VWDE: variants seen among roughly 807,000 people sequenced by gnomAD.
The protein encoded by VWDE is von Willebrand factor D and EGF domain-containing protein.
A neutral mutation model predicts 178.4 loss-of-function variants in VWDE; 207 were observed. The observed-to-expected ratio is 1.16, with a 90% CI of 1.04 to 1.30. The LOEUF is 1.30. Among genes scored for constraint, VWDE ranks in the 50% most tolerant of loss-of-function variants. The probability of loss-of-function intolerance (pLI) is 0.00; values close to 1 mark genes in which losing one functional copy is unlikely to be tolerated. For synonymous variants in VWDE, 738 were observed against 651.4 expected (o/e 1.13, Z -2.02); for missense variants, 2,287 against 1,901.3 (o/e 1.20, Z -3.77).
intron 1 of VWDE, among the ~76,000 whole-genome samples, chr7:12,399,281 A>T (rs1317260565): frequency 6.6e-6 from 1 of 152,256 alleles, no homozygotes; most frequent in East Asian, 1.9e-4. Context: ...GTGTGGCTGT[A>T]CTACTATCAA....
At chr7:12,343,058 C>G (rs1227320738) in intron 22 of VWDE, 25 bp downstream of exon 22, 1 of 1,516,930 alleles carries the variant, frequency 6.6e-7, no homozygotes. Flanking sequence ...TTCATTATAT[C>G]AGACATCAGG....
chr7:12,392,265 A>G (rs560364998), intron 2 of VWDE, among the ~76,000 whole-genome samples: 4 of 152,348 alleles, frequency 2.6e-5, no homozygotes, highest in African/African-American at 9.6e-5. Context: ...CCGCAAGTGC[A>G]GGGAATTTAT....
chr7:12,351,791 A>G lies in VWDE; in HGVS notation c.3746-78T>C, dbSNP rs1781961888. On this transcript the variant is annotated intron_variant, in intron 18 of 28. Coordinates refer to ENST00000275358, the MANE Select transcript of VWDE (RefSeq NM_001135924.3). ...AGCACCACAAATAAGAATATACAAT[A>G]CAAACGCCACTTGGATTAAACTCTG... 5 of 1,256,260 alleles carry G rather than the reference A, an allele frequency of 4.0e-6. No individual in the cohort carries two copies. The East Asian group carries it at 1.3e-4, about 33-fold the overall frequency. 77.8% of individuals were successfully genotyped at this position (1,256,260 alleles called of 1,614,324 possible). A position where few individuals can be genotyped will look rare whatever the true frequency, so the allele number is the denominator to read the frequency against.
chr7:12,393,859 A>G (rs973613423), intron 1 of VWDE, 81 bp from the exon 2 acceptor site: 1 of 1,249,020 alleles, frequency 8.0e-7, no homozygotes, highest in African/African-American at 1.5e-5. Flanking sequence ...ATTGATTCCC[A>G]AAACAAAAAA....
intron 6 of VWDE, among the ~76,000 whole-genome samples, chr7:12,378,313 T>C (rs1783650430): frequency 6.6e-6 from 1 of 152,234 alleles, no homozygotes; most frequent in African/African-American, 2.4e-5. Flanking sequence ...TAGGGATTAA[T>C]ACCACCATCT....
Position 12,333,450 on chromosome 7 carries a change from T to C in VWDE, c.4758+15A>G. 1 of 1,486,702 alleles carries C rather than the reference T, an allele frequency of 6.7e-7. No homozygotes were observed. The highest frequency in any genetic ancestry group is 9.1e-7 in the Non-Finnish European group (1 of 1,093,356). The allele number at this position is 1,486,702 out of a possible 1,614,324, so 92.1% of individuals were successfully genotyped here. ...CAATGTCTAATATTTATTTTCTCTT[T>C]AAACTCTGAAATACCTGTATTTTCT... On this transcript the variant is annotated intron_variant, in intron 28 of 28. Coordinates refer to ENST00000275358, the MANE Select transcript of VWDE (RefSeq NM_001135924.3).
chr7:12,369,427 G>T, intron 12 of VWDE, 118 bp downstream of exon 12: 3 of 1,277,088 alleles, frequency 2.3e-6, no homozygotes, highest in Non-Finnish European at 2.1e-6. Context: ...TGATTTGGAG[G>T]TTTTCTCTAT....
Position 12,331,179 on chromosome 7 carries a change from C to A in VWDE, c.*4G>T, listed in dbSNP as rs139175638. On this transcript the variant is annotated 3_prime_UTR_variant, in exon 29 of 29. Coordinates refer to ENST00000275358, the MANE Select transcript of VWDE (RefSeq NM_001135924.3). ...AGGCTTGTAATTCATATACTTGATG[C>A]TACTCAATGGCGTCTTATCTGTAGT... 1.3e-6 allele frequency: 2 copies of A among 1,541,324 alleles called. No homozygotes were observed. The highest frequency in any genetic ancestry group is 1.4e-5 in the African/African-American group (1 of 72,486).
At chr7:12,379,861 G>A (rs1583331938) in intron 5 of VWDE, among the ~76,000 whole-genome samples, 3 of 152,086 alleles carry the variant, frequency 2.0e-5, no homozygotes, top group Admixed American at 6.5e-5. Flanking sequence ...TTGGGAGGCC[G>A]AGGCGGGCGG....
chr7:12,358,845 C>G (rs974143040), intron 16 of VWDE, among the ~76,000 whole-genome samples: 1 of 152,200 alleles, frequency 6.6e-6, no homozygotes, highest in African/African-American at 2.4e-5. Flanking sequence ...CCATTGTCTT[C>G]CCACAGCATT....
At chr7:12,352,952 T>C (rs12669608) in intron 18 of VWDE, among the ~76,000 whole-genome samples, 134,524 of 152,118 alleles carry the variant, frequency 0.88, 59,568 homozygotes, top group Admixed American at 0.92. Flanking sequence ...CTGATTATTC[T>C]AAGATTTATA....
intron 4 of VWDE, among the ~76,000 whole-genome samples, chr7:12,381,363 T>C (rs6460942): frequency 0.11 from 17,010 of 152,162 alleles, 1,135 homozygotes; most frequent in Non-Finnish European, 0.14. Context: ...GTTTTCTGGA[T>C]AAGTTTTTTG....
chr7:12,378,698 C>T (rs1422612459), intron 6 of VWDE, among the ~76,000 whole-genome samples: 1 of 152,186 alleles, frequency 6.6e-6, no homozygotes, highest in African/African-American at 2.4e-5. Context: ...TCTGCTTCCC[C>T]TCACGCTGTA....
chr7:12,377,634 A>G (rs1583328109), intron 7 of VWDE, 142 bp downstream of exon 7: 2 of 444,684 alleles, frequency 4.5e-6, no homozygotes, highest in Non-Finnish European at 7.5e-6. Flanking sequence ...GCCGAGTATT[A>G]GTAATATGAT....
intron 27 of VWDE, among the ~76,000 whole-genome samples, chr7:12,335,315 A>C (rs1057349704): frequency 1.3e-5 from 2 of 152,150 alleles, no homozygotes; most frequent in Admixed American, 1.3e-4. Flanking sequence ...AATTGCATGA[A>C]ATTTGATCTT....
chr7:12,340,944 G>A (rs906983930), intron 23 of VWDE, among the ~76,000 whole-genome samples: 10 of 151,876 alleles, frequency 6.6e-5, no homozygotes, highest in African/African-American at 2.4e-4. Flanking sequence ...CTTTATTTTT[G>A]TTTTGCTTTG....
At chr7:12,349,230 CATA>C (rs2128549341) in intron 19 of VWDE, among the ~76,000 whole-genome samples, 1 of 74,932 alleles carries the variant, frequency 1.3e-5, no homozygotes, top group African/African-American at 8.0e-5. Context: ...GTATAATAAT[CATA>C]ATAATAAATA....
intron 28 of VWDE, among the ~76,000 whole-genome samples, chr7:12,333,128 A>G (rs957823829): frequency 6.6e-6 from 1 of 152,160 alleles, no homozygotes; most frequent in Non-Finnish European, 1.5e-5. Flanking sequence ...AGATCACAGA[A>G]ACTTTTTAAA....
chr7:12,340,266 C>G, intron 24 of VWDE, 56 bp downstream of exon 24: 5 of 1,321,704 alleles, frequency 3.8e-6, no homozygotes, highest in Non-Finnish European at 5.3e-6. Flanking sequence ...ACTCAGAGCT[C>G]TGTTGATATC....
Sources: gnomAD v4.1 joint callset for allele counts (sites outside exome capture counted in the v4.1 genomes callset) on GRCh38, gnomAD v4.1.1 for gene constraint, MANE v1.5 for transcripts, NCBI Gene and HGNC (gene_info 2026-07-23, HGNC 2026-07-21) for gene names.